The following USP32 variants were observed in gnomAD, a reference collection of about 807,000 sequenced individuals.
USP32 encodes the protein ubiquitin specific peptidase 32.
A neutral mutation model predicts 204.8 loss-of-function variants in USP32; 59 were observed. The ratio of observed to expected loss-of-function variants is 0.29; its 90% CI spans 0.23 to 0.36. The LOEUF (loss-of-function observed/expected upper bound fraction) is 0.36, where lower values mean the gene tolerates loss of function less well. Ranked by LOEUF, USP32 falls within the 10% of genes least tolerant of loss-of-function variation. The pLI is 1.00. For missense variants in USP32, 1,160 were observed against 1,946.4 expected (o/e 0.60, Z 7.60); for synonymous variants, 517 against 678.4 (o/e 0.76, Z 3.70).
chr17:60,180,661 G>T (rs752351340), intron 32 of USP32, 24 bp from the exon 33 acceptor site: 9 of 1,609,518 alleles, frequency 5.6e-6, no homozygotes, highest in Non-Finnish European at 7.7e-6. Flanking sequence ...GAGAGTGGAG[G>T]TATGTTAGCA....
chr17:60,416,250 A>T (rs936872949), intron 1 of USP32, among the ~76,000 whole-genome samples: 1 of 152,176 alleles, frequency 6.6e-6, no homozygotes, highest in South Asian at 2.1e-4. Flanking sequence ...TTTCATATCT[A>T]TGAGGGAAAG....
At chr17:60,269,345 A>G in intron 7 of USP32, 105 bp downstream of exon 7, 1 of 819,668 alleles carries the variant, frequency 1.2e-6, no homozygotes, top group South Asian at 1.7e-5. Flanking sequence ...AATCTGACAA[A>G]GTTATAAAAA....
intron 1 of USP32, among the ~76,000 whole-genome samples, chr17:60,376,742 G>A (rs933805343): frequency 2.0e-5 from 3 of 151,820 alleles, no homozygotes; most frequent in East Asian, 1.9e-4. Context: ...GGCTGGTCTC[G>A]AACTCCTGAC....
At chr17:60,204,801 CA>C (rs2084780872) in intron 26 of USP32, among the ~76,000 whole-genome samples, 1 of 151,406 alleles carries the variant, frequency 6.6e-6, no homozygotes, top group Non-Finnish European at 1.5e-5. Context: ...CTTTTTCAGA[CA>C]GGGTCTTGCC....
rs759691854 is a variant in USP32, at chr17:60,271,456, A to T, written c.597T>A (p.Leu199=). 5.0e-6 allele frequency: 8 copies of T among 1,611,958 alleles called. No individual in the cohort carries two copies. The highest frequency in any genetic ancestry group is 5.9e-6 in the Non-Finnish European group (7 of 1,178,140). ...THLEESDIID[L]EKRYWLLKAQ... is the part of the protein sequence containing the mutation. ...CCTTCAATAACCAATAGCGTTTCTC[A>T]AGATCAATGATGTCTGATTCCTCCA... Residue 199 remains leucine (L), a synonymous_variant, in exon 6 of 34, where the codon CTT becomes CTA. Transcript: ENST00000300896.
rs373857260 is a variant in USP32 at position 60,421,302 on chromosome 17, A to T, written c.106+944T>A. ...ACGTTTGCTGAACATGCTGGCATAG[A>T]GGACAAGTTAAAAAGTTTCTGGACT... On this transcript the variant is annotated intron_variant, in intron 1 of 3. Coordinates refer to the USP32 transcript ENST00000588898. 9 of 902,716 alleles carry T rather than the reference A, an allele frequency of 1.0e-5. No homozygotes were observed. The South Asian group carries it at 4.1e-4, about 41-fold the overall frequency. 55.9% of individuals were successfully genotyped at this position (902,716 alleles called of 1,614,324 possible).
At chr17:60,381,933 C>A (rs868036117) in intron 1 of USP32, among the ~76,000 whole-genome samples, 63 of 152,138 alleles carry the variant, frequency 4.1e-4, no homozygotes, top group African/African-American at 1.4e-3. Flanking sequence ...ATTAGTTTTG[C>A]CTATTTTGGA....
chr17:60,330,439 CTTTCT>C (rs2088351090), intron 2 of USP32, among the ~76,000 whole-genome samples: 1 of 151,802 alleles, frequency 6.6e-6, no homozygotes, highest in South Asian at 2.1e-4. Flanking sequence ...ACTTAGATTT[CTTTCT>C]TTTCTTTTCT....
Position 60,183,421 on chromosome 17 carries a change from A to G in USP32, c.3867T>C (p.Asn1289=). ...TTTTCTGTGATTTTATCCACCGACC[A>G]TTTACAAATTGAAATCGCTTAAGGT... ...IIHLKRFQFV[N]GRWIKSQKIV... Residue 1289 remains asparagine (N), a synonymous_variant, in exon 31 of 34, where the codon AAT becomes AAC. Transcript: ENST00000300896. The G allele has an allele frequency of 6.2e-7, 1 of 1,611,906 alleles. No individual in the cohort carries two copies. The highest frequency in any genetic ancestry group is 2.2e-5 in the East Asian group (1 of 44,868).
At chr17:60,399,186 C>A (rs1258653842) in intron 1 of USP32, among the ~76,000 whole-genome samples, 1 of 152,090 alleles carries the variant, frequency 6.6e-6, no homozygotes, top group East Asian at 1.9e-4. Flanking sequence ...CTGTGGCAAG[C>A]ATTGTTCTAG....
chr17:60,286,189 A>G (rs1196878517), intron 5 of USP32, among the ~76,000 whole-genome samples: 1 of 152,118 alleles, frequency 6.6e-6, no homozygotes, highest in Non-Finnish European at 1.5e-5. Flanking sequence ...TCTGTATCCA[A>G]TGGAAAGAAG....
chr17:60,182,607 A>C (rs2084140006), intron 31 of USP32, among the ~76,000 whole-genome samples: 1 of 152,036 alleles, frequency 6.6e-6, no homozygotes, highest in Admixed American at 6.5e-5. Context: ...TACAAAAAAT[A>C]CAAAAATTAG....
At chr17:60,289,174 AT>A (rs1402659939) in intron 4 of USP32, among the ~76,000 whole-genome samples, 2 of 151,962 alleles carry the variant, frequency 1.3e-5, no homozygotes, top group African/African-American at 4.8e-5. Context: ...CGCCCGGCTA[AT>A]TTTTTGTATT....
At chr17:60,219,030 GA>G (rs1439375151) in intron 16 of USP32, among the ~76,000 whole-genome samples, 1 of 152,118 alleles carries the variant, frequency 6.6e-6, no homozygotes, top group African/African-American at 2.4e-5. Context: ...ATTAAAATGG[GA>G]ACTACTTTAT....
chr17:60,212,400 G>A (rs1019331037), intron 18 of USP32, among the ~76,000 whole-genome samples: 1 of 152,168 alleles, frequency 6.6e-6, no homozygotes, highest in African/African-American at 2.4e-5. Flanking sequence ...GTAGGCAAGT[G>A]TAACACAATG....
At chr17:60,239,449 G>T (rs1178801674) in intron 11 of USP32, among the ~76,000 whole-genome samples, 2 of 152,080 alleles carry the variant, frequency 1.3e-5, no homozygotes, top group Non-Finnish European at 2.9e-5. Flanking sequence ...AGATTCTTAT[G>T]TTGACACATA....
intron 1 of USP32, among the ~76,000 whole-genome samples, chr17:60,346,045 G>A (rs560330287): frequency 2.0e-5 from 3 of 151,978 alleles, no homozygotes; most frequent in South Asian, 2.1e-4. Flanking sequence ...TTCTTTTTTG[G>A]TTAAATAAAA....
chr17:60,244,267 C>T (rs2085957289), intron 11 of USP32, among the ~76,000 whole-genome samples: 1 of 151,940 alleles, frequency 6.6e-6, no homozygotes, highest in African/African-American at 2.4e-5. Context: ...ATCCACCCAC[C>T]TCGGCCTCCC....
At chr17:60,203,231 T>C (rs1218018868) in intron 26 of USP32, among the ~76,000 whole-genome samples, 3 of 150,712 alleles carry the variant, frequency 2.0e-5, no homozygotes, top group Non-Finnish European at 3.0e-5. Flanking sequence ...TGAAACCCCA[T>C]CTCTACTAAA....
Sources: allele counts gnomAD v4.1 joint callset (sites outside exome capture counted in the v4.1 genomes callset), GRCh38; gene constraint gnomAD v4.1.1; transcripts MANE v1.5; gene names NCBI Gene and HGNC (gene_info 2026-07-23, HGNC 2026-07-21).